Variants in MED4 observed in about 807,000 individuals in gnomAD.
The protein encoded by MED4 is mediator complex subunit 4.
A neutral mutation model predicts 35.0 loss-of-function variants in MED4; 21 were observed. The ratio of observed to expected loss-of-function variants is 0.60; its 90% CI spans 0.43 to 0.86. The LOEUF is 0.86. Among genes scored for constraint, MED4 ranks in the 40% least tolerant of loss-of-function variants. The probability of loss-of-function intolerance (pLI) is 0.00; values close to 1 mark genes in which losing one functional copy is unlikely to be tolerated. For missense variants in MED4, 300 were observed against 319.4 expected (o/e 0.94, Z 0.46); for synonymous variants, 138 against 114.0 (o/e 1.21, Z -1.34).
chr13:48,077,963 C>T (rs4941623), intron 6 of MED4, among the ~76,000 whole-genome samples: 78,114 of 151,922 alleles, frequency 0.51, 23,036 homozygotes, highest in Non-Finnish European at 0.66. Context: ...GATTATTCTA[C>T]ATATTATAAA....
intron 3 of MED4, among the ~76,000 whole-genome samples, chr13:48,083,946 G>A (rs1181690736): frequency 6.6e-6 from 1 of 151,988 alleles, no homozygotes; most frequent in Admixed American, 6.6e-5. Flanking sequence ...GCATATCTTC[G>A]ACTATGACAC....
Position 48,086,457 on chromosome 13 carries a change from C to G in MED4, c.193-5G>C. On this transcript the variant is annotated splice_polypyrimidine_tract_variant and splice_region_variant and intron_variant, in intron 2 of 6. Coordinates refer to ENST00000258648, the MANE Select transcript of MED4 (RefSeq NM_014166.4). ...GTGAATTAACAACTCCAGGACCTGTCAGATAACAGTCAATTAAATCAGACA... is the reference window on the plus strand; with the variant it reads ...GTGAATTAACAACTCCAGGACCTGTGAGATAACAGTCAATTAAATCAGACA... 1 of 1,612,422 alleles carries G rather than the reference C, an allele frequency of 6.2e-7. No individual in the cohort carries two copies.
rs144041527 is a variant in MED4, at chr13:48,075,964, A to C, written c.*1175T>G. 3 of 152,332 alleles carry C rather than the reference A, an allele frequency of 2.0e-5. No homozygotes were observed. The East Asian group carries it at 5.8e-4, about 29-fold the overall frequency. The allele number at this position is 152,332 out of a possible 1,614,324, so 9.4% of individuals were successfully genotyped here. On this transcript the variant is annotated 3_prime_UTR_variant, in exon 7 of 7. Coordinates refer to ENST00000258648, the MANE Select transcript of MED4 (RefSeq NM_014166.4). ...AATCAAAAGGAAAAAATGATGGAAAAATGGAATTCTCAGTTCATTTGAAGA... is the reference window on the plus strand; with the variant it reads ...AATCAAAAGGAAAAAATGATGGAAACATGGAATTCTCAGTTCATTTGAAGA...
Position 48,077,312 on chromosome 13 carries a change from C to A in MED4, c.641-1G>T. The A allele has an allele frequency of 1.4e-6, 2 of 1,463,012 alleles. No individual in the cohort carries two copies. The highest frequency in any genetic ancestry group is 3.0e-5 in the South Asian group (2 of 66,748). The allele number at this position is 1,463,012 out of a possible 1,614,324, so 90.6% of individuals were successfully genotyped here. ...CATGGATACTGTGGAGCAAGGACAT[C>A]TGGAGAAAAAAAGAAGCATAGATAA... is the stretch of plus-strand genomic sequence containing the variant. On this transcript the variant is annotated splice_acceptor_variant, in intron 6 of 6. Coordinates refer to ENST00000258648, the MANE Select transcript of MED4 (RefSeq NM_014166.4). LOFTEE classifies it high-confidence loss of function.
intron 1 of MED4, among the ~76,000 whole-genome samples, chr13:48,092,686 G>A (rs1378115515): frequency 1.3e-5 from 2 of 152,202 alleles, no homozygotes; most frequent in Non-Finnish European, 2.9e-5. Flanking sequence ...AACAGGACTT[G>A]CTGATGGATC....
chr13:48,084,442 G>C (rs2137833707), intron 3 of MED4, among the ~76,000 whole-genome samples: 1 of 152,322 alleles, frequency 6.6e-6, no homozygotes, highest in Non-Finnish European at 1.5e-5. Flanking sequence ...CATATAAAAT[G>C]CAAGGCACAG....
intron 1 of MED4, chr13:48,093,795 T>C: frequency 5.3e-6 from 1 of 188,154 alleles, no homozygotes; most frequent in South Asian, 8.4e-5. Context: ...GCTGACCTGG[T>C]AACTTGGTAG....
chr13:48,090,796 T>G (rs536165815), intron 1 of MED4, among the ~76,000 whole-genome samples: 1 of 152,296 alleles, frequency 6.6e-6, no homozygotes, highest in East Asian at 1.9e-4. Context: ...GATCTAGAAA[T>G]CAAACTACAA....
chr13:48,085,170 A>T (rs1005664108), intron 3 of MED4, among the ~76,000 whole-genome samples: 1 of 139,366 alleles, frequency 7.2e-6, no homozygotes, highest in African/African-American at 3.0e-5. Context: ...TGCCCAGCTA[A>T]TTTTTTTTTT....
chr13:48,094,998 T>A lies in MED4; in HGVS notation c.81A>T (p.Arg27=). The change falls in exon 1 of 7, where the codon CGA becomes CGT. Residue 27 remains arginine, a synonymous_variant. Coordinates refer to ENST00000258648, the MANE Select transcript of MED4 (RefSeq NM_014166.4). The part of the protein sequence containing the change: ...GLGVAGGNST[R]ERLLSALEDL... ...CCTCAAGCGCAGACAGCAGCCGCTCTCGTGTGCTGTTACCACCCGCCACTC... is the reference window on the plus strand; with the variant it reads ...CCTCAAGCGCAGACAGCAGCCGCTCACGTGTGCTGTTACCACCCGCCACTC... The A allele has an allele frequency of 6.2e-7, 1 of 1,604,084 alleles. No homozygotes were observed. The highest frequency in any genetic ancestry group is 8.5e-7 in the Non-Finnish European group (1 of 1,179,846).
chr13:48,078,770 A>G (rs1950780449), intron 6 of MED4, among the ~76,000 whole-genome samples: 1 of 152,194 alleles, frequency 6.6e-6, no homozygotes, highest in Admixed American at 6.5e-5. Flanking sequence ...CATGAGAAAT[A>G]TGAGGTGATA....
chr13:48,089,402 T>C (rs1053838100), intron 2 of MED4, among the ~76,000 whole-genome samples: 2 of 152,124 alleles, frequency 1.3e-5, no homozygotes, highest in Admixed American at 6.6e-5. Flanking sequence ...TACATCATCT[T>C]TAGAAAGGTT....
At chr13:48,087,225 C>T (rs933471740) in intron 2 of MED4, among the ~76,000 whole-genome samples, 7 of 151,488 alleles carry the variant, frequency 4.6e-5, no homozygotes, top group Non-Finnish European at 1.0e-4. Flanking sequence ...ATTAGCTGGG[C>T]GTGGTGGTGC....
intron 1 of MED4, among the ~76,000 whole-genome samples, chr13:48,094,236 T>C (rs1294923737): frequency 1.3e-5 from 2 of 152,056 alleles, no homozygotes; most frequent in African/African-American, 2.4e-5. Flanking sequence ...AGAGGGCAAA[T>C]TGGAGCGACA....
intron 5 of MED4, 80 bp from the exon 6 acceptor site, chr13:48,080,055 C>T (rs1305281246): frequency 1.6e-5 from 24 of 1,481,598 alleles, no homozygotes; most frequent in Non-Finnish European, 1.9e-5. Flanking sequence ...TACTCATTTT[C>T]GCTGGTTCAT....
At chr13:48,092,670 A>G (rs1950898646) in intron 1 of MED4, among the ~76,000 whole-genome samples, 1 of 152,226 alleles carries the variant, frequency 6.6e-6, no homozygotes, top group African/African-American at 2.4e-5. Context: ...TTTTGGAGGT[A>G]GAGCTAACAG....
At chr13:48,080,827 C>T (rs1325981217) in intron 5 of MED4, among the ~76,000 whole-genome samples, 1 of 151,696 alleles carries the variant, frequency 6.6e-6, no homozygotes, top group East Asian at 1.9e-4. Context: ...TTTTTCTAAC[C>T]AACCTCTTTG....
intron 1 of MED4, chr13:48,093,634 C>T (rs1181420150): frequency 1.1e-5 from 5 of 466,176 alleles, no homozygotes; most frequent in East Asian, 7.0e-5. Flanking sequence ...ATGATCCGCC[C>T]GCCTTGGCCT....
chr13:48,092,772 T>C (rs904134472), intron 1 of MED4, among the ~76,000 whole-genome samples: 1 of 152,198 alleles, frequency 6.6e-6, no homozygotes, highest in South Asian at 2.1e-4. Context: ...GTTGAGAACC[T>C]CTGGTCTAAG....
Sources: gnomAD v4.1 joint callset for allele counts (sites outside exome capture counted in the v4.1 genomes callset) on GRCh38, gnomAD v4.1.1 for gene constraint, MANE v1.5 for transcripts, NCBI Gene and HGNC (gene_info 2026-07-23, HGNC 2026-07-21) for gene names.